Variants in KARS1 observed in about 807,000 individuals in gnomAD.
The protein encoded by KARS1 is lysine--tRNA ligase.
KARS1 carries 50 observed loss-of-function variants against 63.9 expected under a neutral mutation model. The observed-to-expected ratio is 0.78, with a 90% CI of 0.62 to 0.99. KARS1 has a LOEUF of 0.99. KARS1 is among the 50% of genes least tolerant of loss of function. KARS1 has a pLI of 0.00. For missense variants in KARS1, 816 were observed against 754.5 expected, an observed-to-expected ratio of 1.08 and a Z score of -0.95; for synonymous variants, 320 against 264.6, an observed-to-expected ratio of 1.21 and a Z score of -2.03.
intron 7 of KARS1, among the ~76,000 whole-genome samples, chr16:75,632,538 T>C (rs1208099549): frequency 1.3e-5 from 2 of 152,212 alleles, no homozygotes; most frequent in Non-Finnish European, 2.9e-5. Context: ...TTGCATAGAA[T>C]TCATTCTGGT....
intron 3 of KARS1, among the ~76,000 whole-genome samples, chr16:75,637,920 A>G (rs2082180633): frequency 1.3e-5 from 2 of 151,420 alleles, no homozygotes; most frequent in South Asian, 4.2e-4. Context: ...AAAAAAAAGA[A>G]GACCCAAAAA....
rs768631430 is a variant in KARS1, at chr16:75,641,550, C to A, written c.222+14G>T. The A allele has an allele frequency of 2.2e-5, 35 of 1,611,436 alleles. No homozygotes were observed. In the South Asian group the frequency reaches 3.8e-4, roughly 18 times the overall value. On this transcript the variant is annotated intron_variant, in intron 2 of 13. Transcript: ENST00000302445. Reference sequence around the variant, plus strand: ...TTCCTGTGCCCAACCATGCTGGTGGCCCAGGGAACTCACATTTGGGTCCAC... The same window carrying A: ...TTCCTGTGCCCAACCATGCTGGTGGACCAGGGAACTCACATTTGGGTCCAC...
At chr16:75,635,474 C>A in intron 6 of KARS1, 1 of 636,950 alleles carries the variant, frequency 1.6e-6, no homozygotes, top group Non-Finnish European at 2.8e-6. Flanking sequence ...GTGGATGGCC[C>A]TATACCTTGT....
At chr16:75,634,146 G>T in intron 7 of KARS1, 27 bp downstream of exon 7, 2 of 1,611,710 alleles carry the variant, frequency 1.2e-6, no homozygotes, top group African/African-American at 1.3e-5. Context: ...CTTCTTTAAG[G>T]GAAAAGGGTG....
chr16:75,631,935 T>C, intron 7 of KARS1, 80 bp from the exon 8 acceptor site: 1 of 1,514,698 alleles, frequency 6.6e-7, no homozygotes, highest in Non-Finnish European at 9.1e-7. Flanking sequence ...TTGCCTAGGC[T>C]GGAGTGCAAT....
intron 12 of KARS1, 54 bp from the exon 13 acceptor site, chr16:75,628,766 G>T: frequency 6.3e-7 from 1 of 1,591,176 alleles, no homozygotes; most frequent in Non-Finnish European, 8.6e-7. Flanking sequence ...ATCTCAGTGT[G>T]TGAGTGAACA....
At position 75,631,272 on chromosome 16, in the gene KARS1, AG is replaced by A. The variant is rs1354963229; in HGVS notation, c.1253-20del. On this transcript the variant is annotated intron_variant, in intron 9 of 13. Transcript: ENST00000302445. ...CGAGTTTCTGGGACACAAATGCAAA[AG>A]TTAGGGCAGGAGACATCACACTAGC... The A allele has an allele frequency of 6.2e-7, 1 of 1,610,524 alleles. No individual in the cohort carries two copies. Among genetic ancestry groups the A allele is most frequent in the Non-Finnish European group, 8.5e-7 (1 of 1,177,012 alleles).
In KARS1 at chr16:75,640,200, G is replaced by A. The variant is rs781375380; in HGVS notation, c.372C>T (p.Ile124=). Residue 124 remains isoleucine (I), a synonymous_variant, in exon 3 of 14, where the codon ATC becomes ATT. Coordinates refer to ENST00000302445, the MANE Select transcript of KARS1 (RefSeq NM_005548.3). ...HLQPGDHLTD[I]TLKVAGRIHA... ...AGTTCCTACCTGCCACCTTTAAGGT[G>A]ATGTCAGTCAGGTGATCCCCAGGCT... 5 of 1,614,120 alleles carry A rather than the reference G, an allele frequency of 3.1e-6. No homozygotes were observed. The highest frequency in any genetic ancestry group is 4.2e-6 in the Non-Finnish European group (5 of 1,179,962).
rs376792205 is a variant in KARS1 at position 75,636,611 on chromosome 16, C to CA, written c.389-65dup. ...AGAAGTCATTTTATGGTATCAGTGT[C>CA]AAAAAAAAACTCCCTCTGCATTTTT... On this transcript the variant is annotated intron_variant, in intron 3 of 13. Coordinates refer to ENST00000302445, the MANE Select transcript of KARS1 (RefSeq NM_005548.3). The CA allele has an allele frequency of 1.0e-3, 939 of 939,724 alleles. 1 individual carries two copies. Among genetic ancestry groups the CA allele is most frequent in the East Asian group, 2.1e-3 (82 of 39,216 alleles). 58.2% of individuals were successfully genotyped at this position (939,724 alleles called of 1,614,324 possible). A position where few individuals can be genotyped will look rare whatever the true frequency, so the allele number is the denominator to read the frequency against.
rs372437633 is a variant in KARS1 at position 75,627,955 on chromosome 16, C to G, written c.1734G>C (p.Lys578Asn). 150 of 1,611,850 alleles carry G rather than the reference C, an allele frequency of 9.3e-5. No individual in the cohort carries two copies. The highest frequency in any genetic ancestry group is 1.2e-4 in the Non-Finnish European group (144 of 1,178,048). The stretch of plus-strand genomic sequence containing the variant: ...TATCAGTGGTTGCTACATTCTCCTT[C>G]TTGTCTTCGGGTTTCATGGCAGGAA... ...LLFPAMKPED[K>N]KENVATTDTL... Residue 578 changes from lysine (K) to asparagine (N), a missense_variant, in exon 14 of 14, where the codon AAG (lysine) becomes AAC (asparagine). Transcript: ENST00000302445.
At chr16:75,636,128 C>T (rs1361261401) in intron 4 of KARS1, 30 bp from the exon 5 acceptor site, 2 of 1,358,878 alleles carry the variant, frequency 1.5e-6, no homozygotes, top group Non-Finnish European at 2.1e-6. Flanking sequence ...AATTCAGTAA[C>T]AACAATTCAA....
At chr16:75,636,420 C>T (rs759937242) in intron 4 of KARS1, 34 bp downstream of exon 4, 1 of 1,394,012 alleles carries the variant, frequency 7.2e-7, no homozygotes, top group South Asian at 1.2e-5. Flanking sequence ...CTAGGCCAAC[C>T]AAGAAAGGTC....
At position 75,635,587 on chromosome 16, in the gene KARS1, AC is replaced by A. The variant is rs2082152460; in HGVS notation, c.795+92del. 7 of 1,366,628 alleles carry A rather than the reference AC, an allele frequency of 5.1e-6. No homozygotes were observed. The African/African-American group carries it at 7.1e-5, about 14-fold the overall frequency. The allele number at this position is 1,366,628 out of a possible 1,614,324, so 84.7% of individuals were successfully genotyped here. A position where few individuals can be genotyped will look rare whatever the true frequency, so the allele number is the denominator to read the frequency against. On this transcript the variant is annotated intron_variant, in intron 6 of 13. Transcript: ENST00000302445. ...TTCTCATTAGGCATGAAGGATCCTG[AC>A]ACAGGATACGCTTTGGAAAAGGAAG...
At chr16:75,643,894 C>T (rs748487948) in intron 1 of KARS1, among the ~76,000 whole-genome samples, 1 of 152,200 alleles carries the variant, frequency 6.6e-6, no homozygotes, top group African/African-American at 2.4e-5. Context: ...CAACCAGGTG[C>T]TCCTCTTAAA....
At chr16:75,628,872 C>G (rs1225797885) in intron 12 of KARS1, 160 bp from the exon 13 acceptor site, 4 of 766,690 alleles carry the variant, frequency 5.2e-6, no homozygotes, top group East Asian at 2.6e-5. Context: ...CTCCAAGATG[C>G]AGCCGTTTCT....
intron 1 of KARS1, among the ~76,000 whole-genome samples, chr16:75,646,214 A>G (rs2082281907): frequency 6.6e-6 from 1 of 152,202 alleles, no homozygotes; most frequent in African/African-American, 2.4e-5. Flanking sequence ...TTTTTCTAAG[A>G]TATTTGAAGC....
In KARS1 at chr16:75,635,727, T is replaced by C. The variant is rs778089209; in HGVS notation, c.748A>G (p.Ile250Val). The C allele has an allele frequency of 6.2e-7, 1 of 1,614,140 alleles. No homozygotes were observed. The highest frequency in any genetic ancestry group is 1.7e-5 in the Admixed American group (1 of 60,008). Reference protein sequence around the residue: ...VRQKFIIRSKIITYIRSFLDE... With the variant: ...VRQKFIIRSKVITYIRSFLDE... Reference sequence around the variant, plus strand: ...AAGAAACTTCTTATATATGTGATGATCTTAGAGCGGATGATAAATTTCTGC... The same window carrying C: ...AAGAAACTTCTTATATATGTGATGACCTTAGAGCGGATGATAAATTTCTGC... The change falls in exon 6 of 14, where the codon ATC becomes GTC. Residue 250 changes from isoleucine (I) to valine (V), a missense_variant. Transcript: ENST00000302445.
chr16:75,628,497 G>A, intron 13 of KARS1, 72 bp downstream of exon 13: 1 of 1,554,008 alleles, frequency 6.4e-7, no homozygotes, highest in South Asian at 1.1e-5. Context: ...TATCCTCCAG[G>A]CCCACCATGC....
intron 13 of KARS1, among the ~76,000 whole-genome samples, chr16:75,628,289 C>T (rs186710394): frequency 2.3e-4 from 35 of 152,240 alleles, no homozygotes; most frequent in Non-Finnish European, 4.4e-4. Flanking sequence ...TTCTACACCT[C>T]ATAAGGCTGA....
Sources: gnomAD v4.1 joint callset for allele counts (sites outside exome capture counted in the v4.1 genomes callset) on GRCh38, gnomAD v4.1.1 for gene constraint, MANE v1.5 for transcripts, NCBI Gene and HGNC (gene_info 2026-07-23, HGNC 2026-07-21) for gene names.